Variants in RIN2 observed in about 807,000 individuals in gnomAD.
RIN2 encodes the protein RAB5 interacting protein 2.
Under a neutral mutation model 78.0 loss-of-function variants are expected in RIN2, and 36 were observed. The observed-to-expected ratio is 0.46, with a 90% CI of 0.35 to 0.61. The LOEUF (loss-of-function observed/expected upper bound fraction) is 0.61. RIN2 is among the 20% of genes least tolerant of loss of function. The probability of loss-of-function intolerance (pLI) is 0.00; values close to 1 mark genes in which losing one functional copy is unlikely to be tolerated. For synonymous variants in RIN2, 466 were observed against 466.8 expected, an observed-to-expected ratio of 1.00 and a Z score of 0.02; for missense variants, 1,087 against 1,159.7, an observed-to-expected ratio of 0.94 and a Z score of 0.91.
At chr20:19,883,779 G>C (rs1350169047) in intron 2 of RIN2, among the ~76,000 whole-genome samples, 2 of 151,646 alleles carry the variant, frequency 1.3e-5, no homozygotes, top group African/African-American at 4.8e-5. Context: ...CTGTGAACCA[G>C]TTTTCCAAGG....
chr20:19,827,810 C>CTTTTTTTTTTTTT (rs34007899), intron 2 of RIN2, among the ~76,000 whole-genome samples: 1 of 138,394 alleles, frequency 7.2e-6, no homozygotes, highest in African/African-American at 2.7e-5. Context: ...TTCTTTTTTT[C>CTTTTTTTTTTTTT]TTTTTTTTTT....
intron 2 of RIN2, among the ~76,000 whole-genome samples, chr20:19,853,251 A>G (rs2123206436): frequency 1.3e-5 from 2 of 152,108 alleles, no homozygotes; most frequent in Middle Eastern, 3.4e-3. Flanking sequence ...CATGGTGTGT[A>G]TGTGTCACAT....
At chr20:19,829,983 A>C (rs992039004) in intron 2 of RIN2, among the ~76,000 whole-genome samples, 1 of 152,228 alleles carries the variant, frequency 6.6e-6, no homozygotes, top group Non-Finnish European at 1.5e-5. Context: ...GGAGGCCAGA[A>C]AATGAGGTTT....
intron 5 of RIN2, 130 bp from the exon 6 acceptor site, chr20:19,960,570 A>G (rs2041708106): frequency 1.4e-6 from 1 of 702,392 alleles, no homozygotes. Context: ...ATGGCAGGAG[A>G]GTTTCCTGCA....
chr20:19,923,743 G>A (rs1305472745), intron 3 of RIN2, among the ~76,000 whole-genome samples: 5 of 152,150 alleles, frequency 3.3e-5, no homozygotes, highest in South Asian at 2.1e-4. Context: ...CTCAGAGGAT[G>A]GGGGTGGATG....
intron 9 of RIN2, among the ~76,000 whole-genome samples, chr20:19,983,424 C>T (rs1037009114): frequency 2.0e-5 from 3 of 152,042 alleles, no homozygotes; most frequent in African/African-American, 7.2e-5. Flanking sequence ...CGTCGTAGGG[C>T]TGAAGTGAGG....
At chr20:19,773,268 C>T (rs1412261993) in intron 1 of RIN2, among the ~76,000 whole-genome samples, 3 of 152,202 alleles carry the variant, frequency 2.0e-5, no homozygotes, top group Non-Finnish European at 4.4e-5. Context: ...GTTAAATCTG[C>T]ATAGACCCCA....
Position 19,897,392 on chromosome 20 carries a change from T to C in RIN2, c.57+7734T>C, listed in dbSNP as rs144042476. The stretch of plus-strand genomic sequence containing the variant: ...CTAAAGTTCTGGGATTACAGGTGAG[T>C]GTCACCGCACCCAGCCAGACCAGCT... On this transcript the variant is annotated intron_variant, in intron 3 of 12. Coordinates refer to ENST00000255006, the MANE Select transcript of RIN2 (RefSeq NM_018993.4). Among the ~76,000 whole-genome samples the C allele has an allele frequency of 1.7e-3, 264 of 152,152 alleles. 1 individual carries two copies. Among genetic ancestry groups the C allele is most frequent in the East Asian group, 7.6e-3 (39 of 5,158 alleles).
intron 2 of RIN2, among the ~76,000 whole-genome samples, chr20:19,801,445 C>T (rs541663119): frequency 3.9e-5 from 6 of 152,038 alleles, no homozygotes; most frequent in Admixed American, 2.0e-4. Context: ...CTCAGCCTCC[C>T]GAGTAGCTGG....
intron 2 of RIN2, among the ~76,000 whole-genome samples, chr20:19,818,706 T>C (rs1022302993): frequency 2.0e-4 from 28 of 137,212 alleles, no homozygotes; most frequent in Admixed American, 3.3e-4. Flanking sequence ...CACTCCAGCC[T>C]GGGCGACAGA....
intron 9 of RIN2, among the ~76,000 whole-genome samples, chr20:19,987,168 A>G (rs369246950): frequency 4.8e-4 from 73 of 152,364 alleles, no homozygotes; most frequent in African/African-American, 1.6e-3. Flanking sequence ...ATTTCATTGT[A>G]GTATTCCATT....
chr20:19,788,432 C>CAAAAAAAAAAAAAAAAAAAAAAA (rs1224663738), intron 1 of RIN2, among the ~76,000 whole-genome samples: 22 of 53,734 alleles, frequency 4.1e-4, no homozygotes, highest in African/African-American at 2.2e-3. Context: ...CTGTCTCTGC[C>CAAAAAAAAAAAAAAAAAAAAAAA]AAAAAAAAAA....
At chr20:19,949,380 C>T (rs1363456135) in intron 4 of RIN2, among the ~76,000 whole-genome samples, 1 of 152,206 alleles carries the variant, frequency 6.6e-6, no homozygotes. Context: ...CTTGTTTATC[C>T]TCATGTCCTG....
At chr20:19,820,310 G>A (rs1041616312) in intron 2 of RIN2, among the ~76,000 whole-genome samples, 3 of 152,216 alleles carry the variant, frequency 2.0e-5, no homozygotes, top group African/African-American at 7.2e-5. Flanking sequence ...CAAATGAACA[G>A]ATGCCAGTTT....
At chr20:19,904,896 G>A (rs2039151450) in intron 3 of RIN2, among the ~76,000 whole-genome samples, 1 of 152,204 alleles carries the variant, frequency 6.6e-6, no homozygotes, top group African/African-American at 2.4e-5. Flanking sequence ...AGCACAACTT[G>A]AAATCTTGAC....
chr20:19,969,747 A>G (rs1568678484), intron 7 of RIN2, among the ~76,000 whole-genome samples: 1 of 148,692 alleles, frequency 6.7e-6, no homozygotes, highest in Non-Finnish European at 1.5e-5. Context: ...TCTTTGTAAG[A>G]CTATTACCAC....
chr20:19,819,274 A>G lies in RIN2; in HGVS notation c.-37+19527A>G, dbSNP rs144636070. On this transcript the variant is annotated intron_variant, in intron 2 of 12. Coordinates refer to ENST00000255006, the MANE Select transcript of RIN2 (RefSeq NM_018993.4). ...AGGGCCCACTTCCTGGCTTGCAGATAGTCACCTTCTCACACAGCAGAGAGA... is the reference window on the plus strand; with the variant it reads ...AGGGCCCACTTCCTGGCTTGCAGATGGTCACCTTCTCACACAGCAGAGAGA... 1.2e-3 allele frequency among the ~76,000 whole-genome samples: 187 copies of G among 152,332 alleles called. 1 individual carries two copies. The highest frequency in any genetic ancestry group is 4.2e-3 in the African/African-American group (176 of 41,570).
chr20:19,885,074 A>G (rs2038138065), intron 2 of RIN2, among the ~76,000 whole-genome samples: 1 of 152,232 alleles, frequency 6.6e-6, no homozygotes, highest in African/African-American at 2.4e-5. Context: ...TTCTGTAGCC[A>G]ACCTCATGCA....
intron 3 of RIN2, among the ~76,000 whole-genome samples, chr20:19,906,200 A>G (rs2039213060): frequency 6.6e-6 from 1 of 152,214 alleles, no homozygotes; most frequent in Admixed American, 6.5e-5. Flanking sequence ...TTGTAATCCC[A>G]GCACTTTGGG....
Sources: allele counts gnomAD v4.1 joint callset (sites outside exome capture counted in the v4.1 genomes callset), GRCh38; gene constraint gnomAD v4.1.1; transcripts MANE v1.5; gene names NCBI Gene and HGNC (gene_info 2026-07-23, HGNC 2026-07-21).